Variants in PHKB observed in about 807,000 individuals in gnomAD.
PHKB encodes the protein phosphorylase kinase regulatory subunit beta.
Under a neutral mutation model 152.1 loss-of-function variants are expected in PHKB, and 122 were observed. The ratio of observed to expected loss-of-function variants is 0.80; its 90% confidence interval spans 0.69 to 0.93. The LOEUF (loss-of-function observed/expected upper bound fraction) is 0.93. Ranked by LOEUF, PHKB falls within the 40% of genes least tolerant of loss-of-function variation. PHKB has a pLI of 0.00. For synonymous variants in PHKB, 436 were observed against 464.9 expected (o/e 0.94, Z 0.80); for missense variants, 1,304 against 1,328.4 (o/e 0.98, Z 0.29).
intron 7 of PHKB, among the ~76,000 whole-genome samples, chr16:47,548,431 AC>A (rs528850601): frequency 1.3e-3 from 198 of 152,192 alleles, no homozygotes; most frequent in African/African-American, 4.5e-3. Flanking sequence ...ACATGGTGAA[AC>A]CCTGTCTTTA....
At chr16:47,499,621 GAAGTATTGTACTATAGC>G in intron 2 of PHKB, 118 bp from the exon 3 acceptor site, 2 of 994,216 alleles carry the variant, frequency 2.0e-6, no homozygotes, top group South Asian at 2.6e-5. Context: ...CACATCTTCA[GAAGTATTGTACTATAGC>G]AAGTTTAGAA....
At chr16:47,555,280 T>C (rs1971349100) in intron 7 of PHKB, among the ~76,000 whole-genome samples, 2 of 152,244 alleles carry the variant, frequency 1.3e-5, no homozygotes, top group Admixed American at 6.5e-5. Context: ...TTTGAAACCA[T>C]AGTACTGTGA....
chr16:47,507,165 G>A (rs1245671004), intron 4 of PHKB, among the ~76,000 whole-genome samples: 1 of 152,084 alleles, frequency 6.6e-6, no homozygotes, highest in Non-Finnish European at 1.5e-5. Context: ...GTAGAGACAG[G>A]GTTTCTCCAT....
intron 1 of PHKB, among the ~76,000 whole-genome samples, chr16:47,466,935 C>A (rs1969679951): frequency 6.6e-6 from 1 of 152,044 alleles, no homozygotes; most frequent in African/African-American, 2.4e-5. Context: ...TTCACGTACA[C>A]CTGGGTCTGA....
intron 1 of PHKB, among the ~76,000 whole-genome samples, chr16:47,465,743 T>C (rs1969657570): frequency 6.6e-6 from 1 of 152,192 alleles, no homozygotes; most frequent in Non-Finnish European, 1.5e-5. Context: ...GTACTCTGAG[T>C]GGTTTGCATT....
At chr16:47,572,838 G>A (rs1971685577) in intron 7 of PHKB, among the ~76,000 whole-genome samples, 1 of 152,200 alleles carries the variant, frequency 6.6e-6, no homozygotes. Flanking sequence ...CTGAGGTCAT[G>A]CAAAAGTTTT....
At chr16:47,519,414 T>C (rs1970649230) in intron 6 of PHKB, among the ~76,000 whole-genome samples, 1 of 152,222 alleles carries the variant, frequency 6.6e-6, no homozygotes, top group South Asian at 2.1e-4. Flanking sequence ...GGGTCTCTCA[T>C]GAAGCTGCAC....
intron 7 of PHKB, among the ~76,000 whole-genome samples, chr16:47,569,503 A>C (rs955374157): frequency 6.6e-6 from 1 of 152,232 alleles, no homozygotes; most frequent in Admixed American, 6.5e-5. Context: ...CACCATTTAC[A>C]TTCGAAAATA....
chr16:47,574,854 C>T (rs1971723216), intron 7 of PHKB, among the ~76,000 whole-genome samples: 2 of 152,190 alleles, frequency 1.3e-5, no homozygotes, highest in African/African-American at 4.8e-5. Flanking sequence ...ACATTCAAAT[C>T]ATAGCATATG....
intron 6 of PHKB, among the ~76,000 whole-genome samples, chr16:47,531,321 G>A (rs773043584): frequency 5.3e-5 from 8 of 152,124 alleles, no homozygotes; most frequent in Non-Finnish European, 1.0e-4. Flanking sequence ...AGGCACAAAG[G>A]TTATACTTTT....
rs372531974 is a variant in PHKB at position 47,628,977 on chromosome 16, A to C, written c.1459-12058A>C. Among the ~76,000 whole-genome samples, 9 of 152,304 alleles carry C rather than the reference A, an allele frequency of 5.9e-5. No homozygotes were observed. In the East Asian group the frequency reaches 1.5e-3, roughly 26 times the overall value. The stretch of plus-strand genomic sequence containing the variant: ...GGAAAACTGGCTAGCCATATGTAGA[A>C]AGCTGAAACTGGATCCCTACCTTAC... On this transcript the variant is annotated intron_variant, in intron 14 of 30. Coordinates refer to ENST00000323584, the MANE Select transcript of PHKB (RefSeq NM_000293.3).
At chr16:47,539,179 A>C (rs1035261273) in intron 6 of PHKB, among the ~76,000 whole-genome samples, 1 of 152,196 alleles carries the variant, frequency 6.6e-6, no homozygotes, top group African/African-American at 2.4e-5. Flanking sequence ...TGAAATCTTT[A>C]CATGGAAGCT....
intron 26 of PHKB, among the ~76,000 whole-genome samples, chr16:47,683,775 A>G (rs1008233899): frequency 1.3e-5 from 2 of 152,004 alleles, no homozygotes; most frequent in African/African-American, 2.4e-5. Flanking sequence ...ACTGTCCTGC[A>G]CCCACTGTTT....
chr16:47,608,904 A>G (rs1427531358), intron 13 of PHKB, among the ~76,000 whole-genome samples: 2 of 152,026 alleles, frequency 1.3e-5, no homozygotes, highest in East Asian at 1.9e-4. Flanking sequence ...TTCTTTCCCA[A>G]TTTCCCTGGC....
rs777421352 is a variant in PHKB at position 47,660,832 on chromosome 16, C to A, written c.2196+13C>A. 1 of 1,613,088 alleles carries A rather than the reference C, an allele frequency of 6.2e-7. No homozygotes were observed. Among genetic ancestry groups the A allele is most frequent in the Non-Finnish European group, 8.5e-7 (1 of 1,179,248 alleles). ...TCAAAAACTGAATGTGAGACAGATGCACTTCCCACATGGCCCTAAGTGAGG... is the reference window on the plus strand; with the variant it reads ...TCAAAAACTGAATGTGAGACAGATGAACTTCCCACATGGCCCTAAGTGAGG... On this transcript the variant is annotated intron_variant, in intron 22 of 30. Coordinates refer to ENST00000323584, the MANE Select transcript of PHKB (RefSeq NM_000293.3).
intron 14 of PHKB, among the ~76,000 whole-genome samples, chr16:47,635,693 T>A (rs1320091294): frequency 6.6e-6 from 1 of 152,212 alleles, no homozygotes; most frequent in Non-Finnish European, 1.5e-5. Flanking sequence ...AAAGTCTGCC[T>A]GCTTTCTGCT....
intron 7 of PHKB, among the ~76,000 whole-genome samples, chr16:47,556,245 T>C (rs371839292): frequency 2.6e-5 from 4 of 152,208 alleles, no homozygotes; most frequent in Non-Finnish European, 4.4e-5. Context: ...CTTTTCCTAA[T>C]TGAATGCCCT....
chr16:47,605,100 T>C (rs981836690), intron 13 of PHKB, among the ~76,000 whole-genome samples: 11 of 152,226 alleles, frequency 7.2e-5, no homozygotes. Flanking sequence ...CTTTTAATGA[T>C]ATTTCTCACA....
chr16:47,632,025 C>A (rs972540545), intron 14 of PHKB, among the ~76,000 whole-genome samples: 8 of 152,170 alleles, frequency 5.3e-5, no homozygotes, highest in Non-Finnish European at 1.2e-4. Flanking sequence ...TATCAACAAG[C>A]TGTCGTGTAT....
Sources: gnomAD v4.1 joint callset for allele counts (sites outside exome capture counted in the v4.1 genomes callset) on GRCh38, gnomAD v4.1.1 for gene constraint, MANE v1.5 for transcripts, NCBI Gene and HGNC (gene_info 2026-07-23, HGNC 2026-07-21) for gene names.